CCSER1: variants seen among roughly 807,000 people sequenced by gnomAD.
CCSER1 encodes the protein serine-rich coiled-coil domain-containing protein 1.
Under a neutral mutation model 82.0 loss-of-function variants are expected in CCSER1, and 41 were observed. The ratio of observed to expected loss-of-function variants is 0.50; its 90% CI spans 0.39 to 0.65. The LOEUF (loss-of-function observed/expected upper bound fraction) is 0.65. Among genes scored for constraint, CCSER1 ranks in the 30% least tolerant of loss-of-function variants. The pLI, the probability that CCSER1 is intolerant of heterozygous loss-of-function variation, is 0.00. For synonymous variants in CCSER1, 414 were observed against 383.9 expected, an observed-to-expected ratio of 1.08 and a Z score of -0.92; for missense variants, 1,119 against 1,064.2, an observed-to-expected ratio of 1.05 and a Z score of -0.72.
chr4:90,486,919 A>G (rs541966355), intron 5 of CCSER1, among the ~76,000 whole-genome samples: 3 of 152,078 alleles, frequency 2.0e-5, no homozygotes, highest in African/African-American at 2.4e-5. Flanking sequence ...CTTTCTCTCT[A>G]TATATATTTT....
intron 4 of CCSER1, among the ~76,000 whole-genome samples, chr4:90,442,619 T>C (rs1760053139): frequency 6.6e-6 from 1 of 152,158 alleles, no homozygotes; most frequent in African/African-American, 2.4e-5. Context: ...TAGTTAAGAA[T>C]TGGTAGACAC....
intron 10 of CCSER1, among the ~76,000 whole-genome samples, chr4:91,169,413 G>T (rs1019149620): frequency 1.3e-5 from 2 of 152,060 alleles, no homozygotes; most frequent in Non-Finnish European, 2.9e-5. Context: ...TTGAGGTCAG[G>T]AGTTTGAAAC....
Position 91,182,798 on chromosome 4 carries a change from C to T in CCSER1, c.2217+96804C>T, listed in dbSNP as rs1652998813. Among the ~76,000 whole-genome samples, 3 of 152,184 alleles carry T rather than the reference C, an allele frequency of 2.0e-5. No individual in the cohort carries two copies. The South Asian group carries it at 6.2e-4, about 32-fold the overall frequency. On this transcript the variant is annotated intron_variant, in intron 10 of 10. Transcript: ENST00000509176. ...ACACATTACATGTACATAAACTAGT[C>T]TCCCAAATGAGGGAACATGTGTGAC...
chr4:90,896,781 G>C (rs1237781060), intron 8 of CCSER1, among the ~76,000 whole-genome samples: 1 of 151,840 alleles, frequency 6.6e-6, no homozygotes, highest in Non-Finnish European at 1.5e-5. Flanking sequence ...GAGCCATGAA[G>C]ATATTCTTAA....
chr4:91,195,502 G>T (rs1270581500), intron 10 of CCSER1, among the ~76,000 whole-genome samples: 1 of 152,044 alleles, frequency 6.6e-6, no homozygotes, highest in Admixed American at 6.5e-5. Context: ...CTTCCTCAGG[G>T]TCTACTTGAA....
intron 1 of CCSER1, among the ~76,000 whole-genome samples, chr4:90,169,580 A>G (rs533187220): frequency 2.0e-5 from 3 of 152,200 alleles, no homozygotes; most frequent in African/African-American, 4.8e-5. Context: ...TGAGAAAACC[A>G]ATTTACTCTC....
At chr4:90,603,940 A>G (rs1347232219) in intron 5 of CCSER1, among the ~76,000 whole-genome samples, 3 of 152,112 alleles carry the variant, frequency 2.0e-5, no homozygotes, top group Non-Finnish European at 4.4e-5. Context: ...CAATGACCCC[A>G]CGATACCTTA....
At chr4:90,371,355 G>A (rs963082586) in intron 3 of CCSER1, among the ~76,000 whole-genome samples, 31 of 151,594 alleles carry the variant, frequency 2.0e-4, no homozygotes, top group African/African-American at 7.0e-4. Context: ...AATTACACTA[G>A]CATCTATAAT....
intron 10 of CCSER1, among the ~76,000 whole-genome samples, chr4:91,346,157 C>G (rs570870445): frequency 2.8e-4 from 42 of 151,762 alleles, no homozygotes; most frequent in African/African-American, 9.7e-4. Context: ...CTTGGGACTA[C>G]AGGCGCTCAC....
At chr4:90,504,377 T>C (rs1374535611) in intron 5 of CCSER1, among the ~76,000 whole-genome samples, 1 of 152,140 alleles carries the variant, frequency 6.6e-6, no homozygotes, top group African/African-American at 2.4e-5. Flanking sequence ...TACACACACA[T>C]AAACAAAGAT....
chr4:90,696,639 G>A lies in CCSER1; in HGVS notation c.1933-27275G>A, dbSNP rs569454706. Among the ~76,000 whole-genome samples the A allele has an allele frequency of 1.4e-4, 22 of 152,162 alleles. No homozygotes were observed. In the South Asian group the frequency reaches 1.5e-3, roughly 10 times the overall value. On this transcript the variant is annotated intron_variant, in intron 6 of 10. Transcript: ENST00000509176. ...TATAGACACGTAAACAAATAATTTC[G>A]ATATAGCTTGATAATCATTAAAACC...
chr4:91,152,501 G>T (rs1730331801), intron 10 of CCSER1, among the ~76,000 whole-genome samples: 1 of 152,096 alleles, frequency 6.6e-6, no homozygotes. Flanking sequence ...TTTAATTGGA[G>T]CATTCAGCCC....
intron 9 of CCSER1, among the ~76,000 whole-genome samples, chr4:91,029,241 A>G (rs1358895056): frequency 6.6e-6 from 1 of 151,606 alleles, no homozygotes; most frequent in Non-Finnish European, 1.5e-5. Flanking sequence ...TTGATACATA[A>G]TAGTAATTCT....
chr4:91,153,270 T>A (rs910954475), intron 10 of CCSER1, among the ~76,000 whole-genome samples: 3 of 151,990 alleles, frequency 2.0e-5, no homozygotes, highest in Non-Finnish European at 2.9e-5. Context: ...TGATCTTCAA[T>A]TACTGATACC....
chr4:91,252,935 G>T (rs966223684), intron 10 of CCSER1, among the ~76,000 whole-genome samples: 1 of 151,832 alleles, frequency 6.6e-6, no homozygotes, highest in Non-Finnish European at 1.5e-5. Context: ...ATGACATAAA[G>T]AAATACCTCC....
chr4:90,913,368 A>G (rs1431602832), intron 8 of CCSER1, among the ~76,000 whole-genome samples: 1 of 152,238 alleles, frequency 6.6e-6, no homozygotes, highest in Admixed American at 6.5e-5. Flanking sequence ...TTTTCAACTC[A>G]GAATTTCATA....
chr4:91,086,480 A>G (rs181411477), intron 10 of CCSER1, among the ~76,000 whole-genome samples: 6 of 152,208 alleles, frequency 3.9e-5, no homozygotes, highest in African/African-American at 1.4e-4. Flanking sequence ...TTTTAAAACT[A>G]ACTGAATGTG....
chr4:91,218,197 C>G (rs1256485066), intron 10 of CCSER1, among the ~76,000 whole-genome samples: 1 of 152,238 alleles, frequency 6.6e-6, no homozygotes, highest in Non-Finnish European at 1.5e-5. Context: ...ACACCCTTGG[C>G]AGCCACTGGC....
At chr4:91,302,530 A>G (rs561008490) in intron 10 of CCSER1, among the ~76,000 whole-genome samples, 5 of 152,028 alleles carry the variant, frequency 3.3e-5, no homozygotes, top group South Asian at 4.1e-4. Flanking sequence ...CAGGGGCATT[A>G]TATTTTTAAA....
Sources: allele counts gnomAD v4.1 joint callset (sites outside exome capture counted in the v4.1 genomes callset), GRCh38; gene constraint gnomAD v4.1.1; transcripts MANE v1.5; gene names NCBI Gene and HGNC (gene_info 2026-07-23, HGNC 2026-07-21).